Variants in PRKN observed in about 807,000 individuals in gnomAD.
PRKN encodes the protein parkin RBR E3 ubiquitin protein ligase, also known as E3 ubiquitin-protein ligase parkin.
A neutral mutation model predicts 59.5 loss-of-function variants in PRKN; 56 were observed. The observed-to-expected ratio is 0.94, with a 90% confidence interval of 0.76 to 1.18. The LOEUF is 1.18. PRKN is among the 50% of genes most tolerant of loss of function. PRKN has a pLI of 0.00. For missense variants in PRKN, 657 were observed against 596.4 expected, an observed-to-expected ratio of 1.10 and a Z score of -1.06; for synonymous variants, 250 against 222.1, an observed-to-expected ratio of 1.13 and a Z score of -1.12.
chr6:162,130,156 G>A (rs190191910), intron 4 of PRKN, among the ~76,000 whole-genome samples: 1 of 152,082 alleles, frequency 6.6e-6, no homozygotes, highest in Non-Finnish European at 1.5e-5. Flanking sequence ...TCTGCAGCCT[G>A]TCCTCACTTC....
chr6:162,404,328 C>T (rs1193196373), intron 2 of PRKN, among the ~76,000 whole-genome samples: 6 of 147,730 alleles, frequency 4.1e-5, no homozygotes, highest in East Asian at 4.1e-4. Context: ...CGAGATCGCA[C>T]GATTGCACTC....
At chr6:162,134,157 T>C (rs1001731937) in intron 4 of PRKN, among the ~76,000 whole-genome samples, 6 of 152,172 alleles carry the variant, frequency 3.9e-5, no homozygotes, top group African/African-American at 1.4e-4. Flanking sequence ...GGGAGACACA[T>C]GGTCCAAGAC....
In PRKN at chr6:161,512,689, T is replaced by C. The variant is rs555487207; in HGVS notation, c.1083+36165A>G. Among the ~76,000 whole-genome samples the C allele has an allele frequency of 3.3e-5, 5 of 152,160 alleles. No individual in the cohort carries two copies. The East Asian group carries it at 9.7e-4, about 29-fold the overall frequency. On this transcript the variant is annotated intron_variant, in intron 9 of 11. Coordinates refer to ENST00000366898, the MANE Select transcript of PRKN (RefSeq NM_004562.3). The stretch of plus-strand genomic sequence containing the variant: ...TCTACCTTTTAATGTTGTGAGATGA[T>C]TGTTCTACACGAGGAGAAAACAATC...
At chr6:162,069,763 A>G (rs1475184301) in intron 4 of PRKN, among the ~76,000 whole-genome samples, 1 of 152,244 alleles carries the variant, frequency 6.6e-6, no homozygotes, top group African/African-American at 2.4e-5. Flanking sequence ...TAAAACAAAT[A>G]TTAGAAGGAA....
At chr6:162,610,624 G>T (rs1782107614) in intron 1 of PRKN, among the ~76,000 whole-genome samples, 1 of 151,908 alleles carries the variant, frequency 6.6e-6, no homozygotes, top group African/African-American at 2.4e-5. Flanking sequence ...GGCATTTGAT[G>T]CCCTCACAAA....
chr6:161,501,058 T>G (rs758236019), intron 9 of PRKN, among the ~76,000 whole-genome samples: 14 of 152,060 alleles, frequency 9.2e-5, no homozygotes, highest in Non-Finnish European at 1.8e-4. Context: ...GTATTTTTAG[T>G]AGAGACGGGG....
At chr6:162,012,768 C>G (rs111676330) in intron 5 of PRKN, among the ~76,000 whole-genome samples, 3 of 152,236 alleles carry the variant, frequency 2.0e-5, no homozygotes, top group South Asian at 2.1e-4. Context: ...CCCTCAATCT[C>G]TCTCTCATAG....
At chr6:162,157,658 A>G (rs186127112) in intron 4 of PRKN, among the ~76,000 whole-genome samples, 1 of 152,148 alleles carries the variant, frequency 6.6e-6, no homozygotes, top group Admixed American at 6.5e-5. Flanking sequence ...GATAATTTAT[A>G]ATCTGCTAAT....
chr6:161,839,331 C>A (rs191468127), intron 6 of PRKN, among the ~76,000 whole-genome samples: 5 of 152,030 alleles, frequency 3.3e-5, no homozygotes, highest in African/African-American at 1.2e-4. Flanking sequence ...ACAATGTGCA[C>A]GTGGGGATAA....
chr6:161,691,774 G>A (rs73031058), intron 7 of PRKN, among the ~76,000 whole-genome samples: 16,976 of 152,132 alleles, frequency 0.11, 1,410 homozygotes, highest in South Asian at 0.29. Flanking sequence ...AAACAAGAAG[G>A]CAGAGCATTG....
chr6:161,681,452 T>C (rs1016944805), intron 7 of PRKN, among the ~76,000 whole-genome samples: 6 of 150,606 alleles, frequency 4.0e-5, no homozygotes, highest in African/African-American at 9.9e-5. Context: ...TCCAAGTAAA[T>C]CTTTTTTTTT....
intron 9 of PRKN, among the ~76,000 whole-genome samples, chr6:161,528,498 T>C (rs1191882881): frequency 6.6e-6 from 1 of 152,170 alleles, no homozygotes; most frequent in East Asian, 1.9e-4. Flanking sequence ...GAACTCCCAT[T>C]GAGAAAAGAT....
Position 161,461,355 on chromosome 6 carries a change from G to C in PRKN, c.1084-74478C>G, listed in dbSNP as rs1375194922. 6.6e-6 allele frequency among the ~76,000 whole-genome samples: 1 copy of C among 152,132 alleles called. No homozygotes were observed. The highest frequency in any genetic ancestry group is 1.5e-5 in the Non-Finnish European group (1 of 68,030). ...GTGGAAGATGAGGCCAGAGGGTCCA[G>C]AAAACAAAGTAGATGGTCTTAAGGA... On this transcript the variant is annotated intron_variant, in intron 9 of 11. Coordinates refer to ENST00000366898, the MANE Select transcript of PRKN (RefSeq NM_004562.3). This position sits in a 1 kb window ranked among gnomAD's most constrained non-coding sequence, Gnocchi z 5.1.
chr6:161,639,029 A>ACTGTG (rs1474940335), intron 7 of PRKN, among the ~76,000 whole-genome samples: 1 of 152,106 alleles, frequency 6.6e-6, no homozygotes, highest in Non-Finnish European at 1.5e-5. Context: ...GGCGTGAACC[A>ACTGTG]CTGTGCCCAG....
At chr6:162,544,458 G>A (rs1779040436) in intron 1 of PRKN, among the ~76,000 whole-genome samples, 1 of 152,076 alleles carries the variant, frequency 6.6e-6, no homozygotes, top group South Asian at 2.1e-4. Context: ...ATACAGCACA[G>A]GAGACTAGAA....
intron 1 of PRKN, among the ~76,000 whole-genome samples, chr6:162,647,949 CAAAAAAAAAAAAA>C (rs398003250): frequency 7.9e-5 from 6 of 75,650 alleles, no homozygotes; most frequent in East Asian, 3.7e-4. Context: ...GTCCACAGTG[CAAAAAAAAAAAAA>C]AAAAAAAAAA....
chr6:162,558,727 C>G (rs1387703548), intron 1 of PRKN, among the ~76,000 whole-genome samples: 2 of 151,880 alleles, frequency 1.3e-5, no homozygotes, highest in East Asian at 3.9e-4. Context: ...CAGTCTCTGC[C>G]TCCAAGGCTC....
chr6:162,496,544 T>G (rs1321214817), intron 1 of PRKN, among the ~76,000 whole-genome samples: 1 of 152,142 alleles, frequency 6.6e-6, no homozygotes, highest in Non-Finnish European at 1.5e-5. Flanking sequence ...GACTCCTCAG[T>G]AGATAATAAA....
At chr6:162,621,316 C>T (rs1189119042) in intron 1 of PRKN, among the ~76,000 whole-genome samples, 2 of 152,172 alleles carry the variant, frequency 1.3e-5, no homozygotes, top group Middle Eastern at 3.2e-3. Context: ...TTGGAAATTG[C>T]ACTCCTGCTG....
Sources: gnomAD v4.1 joint callset for allele counts (sites outside exome capture counted in the v4.1 genomes callset) on GRCh38, gnomAD v4.1.1 for gene constraint, Gnocchi (gnomAD v3.1) non-coding constraint, MANE v1.5 for transcripts, NCBI Gene and HGNC (gene_info 2026-07-23, HGNC 2026-07-21) for gene names.